DTD1: variants seen among roughly 807,000 people sequenced by gnomAD.
DTD1 encodes D-tyrosyl-tRNA deacylase 1 homolog.
Under a neutral mutation model 25.6 loss-of-function variants are expected in DTD1, and 13 were observed. That is an observed-to-expected ratio of 0.51 (90% CI 0.33 to 0.81). DTD1 has a LOEUF of 0.81. Among genes scored for constraint, DTD1 ranks in the 30% least tolerant of loss-of-function variants. The probability of loss-of-function intolerance (pLI) is 0.02; values close to 1 mark genes in which losing one functional copy is unlikely to be tolerated. For synonymous variants in DTD1, 110 were observed against 103.6 expected, an observed-to-expected ratio of 1.06 and a Z score of -0.37; for missense variants, 193 against 266.4, an observed-to-expected ratio of 0.72 and a Z score of 1.92.
intron 4 of DTD1, chr20:18,631,602 C>G (rs1316259072): frequency 1.2e-4 from 119 of 985,344 alleles, no homozygotes; most frequent in Non-Finnish European, 1.3e-4. Flanking sequence ...CCCCAGTGAC[C>G]TCACATTGCT....
intron 1 of DTD1, among the ~76,000 whole-genome samples, chr20:18,593,422 A>G (rs981948077): frequency 2.0e-5 from 3 of 152,268 alleles, no homozygotes; most frequent in Admixed American, 6.5e-5. Flanking sequence ...TAGATGGGCA[A>G]ACTTGACCAT....
intron 4 of DTD1, among the ~76,000 whole-genome samples, chr20:18,654,707 C>T (rs1051066549): frequency 2.0e-5 from 3 of 152,064 alleles, no homozygotes; most frequent in Non-Finnish European, 1.5e-5. Flanking sequence ...CACACTGGCT[C>T]ATCTCCAGAA....
intron 3 of DTD1, among the ~76,000 whole-genome samples, chr20:18,626,706 T>G (rs1408793036): frequency 6.6e-6 from 1 of 152,230 alleles, no homozygotes; most frequent in Admixed American, 6.5e-5. Context: ...AAACATGTCT[T>G]TGGATTTATC....
At chr20:18,633,009 T>C (rs117292098) in intron 4 of DTD1, among the ~76,000 whole-genome samples, 176 of 152,272 alleles carry the variant, frequency 1.2e-3, no homozygotes, top group Middle Eastern at 3.4e-3. Context: ...GGGATAGATT[T>C]TGGGCAACAT....
intron 4 of DTD1, among the ~76,000 whole-genome samples, chr20:18,694,755 C>A (rs1049584776): frequency 6.6e-6 from 1 of 152,106 alleles, no homozygotes; most frequent in Non-Finnish European, 1.5e-5. Flanking sequence ...ATACAGGTCA[C>A]AAATTGCATT....
At chr20:18,651,351 ATGT>A (rs2060873277) in intron 4 of DTD1, among the ~76,000 whole-genome samples, 1 of 152,120 alleles carries the variant, frequency 6.6e-6, no homozygotes, top group Non-Finnish European at 1.5e-5. Context: ...GGGTTTCACT[ATGT>A]TGGGCAGGCT....
At chr20:18,639,179 T>TTAATA (rs139974142) in intron 4 of DTD1, among the ~76,000 whole-genome samples, 1 of 86,848 alleles carries the variant, frequency 1.2e-5, no homozygotes, top group African/African-American at 4.1e-5. Context: ...GTTTTTTTTT[T>TTAATA]AAGAAAAAAA....
chr20:18,627,658 C>G (rs571267379), intron 3 of DTD1, among the ~76,000 whole-genome samples: 4 of 152,300 alleles, frequency 2.6e-5, no homozygotes, highest in Admixed American at 6.5e-5. Context: ...CCCACTGTGA[C>G]CCGGGTTTTG....
chr20:18,645,231 TAGAG>T (rs984818794), intron 4 of DTD1, among the ~76,000 whole-genome samples: 12 of 152,022 alleles, frequency 7.9e-5, no homozygotes, highest in South Asian at 2.1e-4. Flanking sequence ...AGATGAGAGA[TAGAG>T]AGAGAGAAAT....
chr20:18,728,138 C>T (rs529223613), intron 4 of DTD1, among the ~76,000 whole-genome samples: 5 of 152,216 alleles, frequency 3.3e-5, no homozygotes, highest in Non-Finnish European at 7.3e-5. Context: ...CCCTCCTGGC[C>T]TTCCTGCCTC....
intron 4 of DTD1, among the ~76,000 whole-genome samples, chr20:18,629,285 C>T (rs1231852184): frequency 7.0e-6 from 1 of 142,392 alleles, no homozygotes. Context: ...TGTAATCCCA[C>T]TGTGCTCGGC....
At chr20:18,598,128 C>G (rs1250537763) in intron 3 of DTD1, among the ~76,000 whole-genome samples, 1 of 152,112 alleles carries the variant, frequency 6.6e-6, no homozygotes, top group Non-Finnish European at 1.5e-5. Context: ...GTTATTTCTC[C>G]TAATGCTATC....
At chr20:18,753,012 A>T (rs1156833084) in intron 5 of DTD1, among the ~76,000 whole-genome samples, 5 of 152,234 alleles carry the variant, frequency 3.3e-5, no homozygotes, top group Non-Finnish European at 5.9e-5. Context: ...TTAGAAAATA[A>T]CTGGCCATGA....
chr20:18,725,835 C>A (rs1368551285), intron 4 of DTD1, among the ~76,000 whole-genome samples: 1 of 152,164 alleles, frequency 6.6e-6, no homozygotes, highest in Admixed American at 6.5e-5. Context: ...AAAAAACCTC[C>A]CGATATCATC....
chr20:18,618,587 AATT>A (rs1355318961), intron 3 of DTD1, among the ~76,000 whole-genome samples: 1 of 149,894 alleles, frequency 6.7e-6, no homozygotes, highest in African/African-American at 2.4e-5. Context: ...ATAATACAAA[AATT>A]ATATATACAT....
intron 1 of DTD1, among the ~76,000 whole-genome samples, chr20:18,593,467 G>C (rs1402667283): frequency 6.6e-6 from 1 of 152,162 alleles, no homozygotes; most frequent in Non-Finnish European, 1.5e-5. Flanking sequence ...AGGTAACATA[G>C]ATGAAATATG....
At chr20:18,658,221 G>GTGTT (rs2060897679) in intron 4 of DTD1, among the ~76,000 whole-genome samples, 2 of 151,762 alleles carry the variant, frequency 1.3e-5, no homozygotes, top group South Asian at 4.2e-4. Flanking sequence ...GTGTGTGTGT[G>GTGTT]TGTGTGTTTC....
At chr20:18,667,032 A>G (rs2060933993) in intron 4 of DTD1, among the ~76,000 whole-genome samples, 1 of 152,182 alleles carries the variant, frequency 6.6e-6, no homozygotes, top group Admixed American at 6.5e-5. Flanking sequence ...GCCTGGCAGT[A>G]TGAGGCACTT....
intron 4 of DTD1, among the ~76,000 whole-genome samples, chr20:18,700,899 A>T (rs1600378821): frequency 6.6e-6 from 1 of 152,348 alleles, no homozygotes; most frequent in Non-Finnish European, 1.5e-5. Context: ...TACTTTATGT[A>T]CAAAGGACTA....
Sources: gnomAD v4.1 joint callset for allele counts (sites outside exome capture counted in the v4.1 genomes callset) on GRCh38, gnomAD v4.1.1 for gene constraint, MANE v1.5 for transcripts, NCBI Gene and HGNC (gene_info 2026-07-23, HGNC 2026-07-21) for gene names.